The following AKAP19 variants were observed in gnomAD, a reference collection of about 807,000 sequenced individuals.
The protein encoded by AKAP19 is A-kinase anchoring protein 19, also known as small A-kinase anchoring protein.
chr2:190,000,498 G>C, the AKAP19 span, among the ~76,000 whole-genome samples: 1 of 152,154 alleles, frequency 6.6e-6, no homozygotes. Flanking sequence ...ATTTGGTGTA[G>C]GTAAAAGTCC....
At chr2:190,006,891 G>T in the AKAP19 span, among the ~76,000 whole-genome samples, 1 of 151,986 alleles carries the variant, frequency 6.6e-6, no homozygotes, top group Admixed American at 6.6e-5. Flanking sequence ...GTGGTGGCAG[G>T]TGCCTATAGT....
chr2:189,886,123 T>A, the AKAP19 span, among the ~76,000 whole-genome samples: 1 of 152,150 alleles, frequency 6.6e-6, no homozygotes, highest in Non-Finnish European at 1.5e-5. Context: ...TGTTCTAGTA[T>A]TAATTTATGT....
At chr2:189,888,495 G>T in the AKAP19 span, among the ~76,000 whole-genome samples, 1 of 151,834 alleles carries the variant, frequency 6.6e-6, no homozygotes, top group Non-Finnish European at 1.5e-5. Context: ...ATGGTAGCTT[G>T]ATGGGGATAG....
the AKAP19 span, among the ~76,000 whole-genome samples, chr2:189,893,539 T>C: frequency 6.6e-6 from 1 of 152,230 alleles, no homozygotes; most frequent in Non-Finnish European, 1.5e-5. Flanking sequence ...TTGCCCTCCA[T>C]GGGCTGCACC....
At chr2:190,198,797 T>C in the AKAP19 span, among the ~76,000 whole-genome samples, 1 of 152,152 alleles carries the variant, frequency 6.6e-6, no homozygotes, top group African/African-American at 2.4e-5. Flanking sequence ...TGAAGCTGTC[T>C]TGTATTGTTT....
At chr2:190,065,820 T>C in the AKAP19 span, among the ~76,000 whole-genome samples, 2 of 152,136 alleles carry the variant, frequency 1.3e-5, no homozygotes, top group Admixed American at 6.6e-5. Flanking sequence ...GAGAACAGTA[T>C]TGAATGGGTG....
chr2:189,912,352 C>T, the AKAP19 span, among the ~76,000 whole-genome samples: 1 of 151,952 alleles, frequency 6.6e-6, no homozygotes, highest in Non-Finnish European at 1.5e-5. Context: ...ACCAGCCTGG[C>T]CAACATGACG....
chr2:190,040,395 T>A, the AKAP19 span, among the ~76,000 whole-genome samples: 1 of 152,234 alleles, frequency 6.6e-6, no homozygotes, highest in Non-Finnish European at 1.5e-5. Flanking sequence ...TTGTTTAAGT[T>A]CCTAATACAT....
At chr2:190,022,063 A>C in the AKAP19 span, among the ~76,000 whole-genome samples, 21 of 151,938 alleles carry the variant, frequency 1.4e-4, no homozygotes, top group Non-Finnish European at 2.9e-4. Flanking sequence ...CATCAGTCCC[A>C]TTCTCATGAC....
chr2:190,187,910 C>G, the AKAP19 span, among the ~76,000 whole-genome samples: 1 of 152,300 alleles, frequency 6.6e-6, no homozygotes, highest in South Asian at 2.1e-4. Context: ...ACGGACCCAA[C>G]AGAAGGCCCA....
At chr2:190,135,685 A>G in the AKAP19 span, among the ~76,000 whole-genome samples, 1 of 152,306 alleles carries the variant, frequency 6.6e-6, no homozygotes, top group African/African-American at 2.4e-5. Flanking sequence ...CAGTTTCCTC[A>G]TTTGAAAAAT....
At chr2:189,907,494 AT>A in the AKAP19 span, among the ~76,000 whole-genome samples, 2 of 152,184 alleles carry the variant, frequency 1.3e-5, no homozygotes, top group African/African-American at 4.8e-5. Flanking sequence ...CTGTAAAAAA[AT>A]GCATCATTCT....
At chr2:189,981,884 A>G in the AKAP19 span, among the ~76,000 whole-genome samples, 40 of 152,290 alleles carry the variant, frequency 2.6e-4, no homozygotes, top group Admixed American at 2.4e-3. Context: ...TTAGTCTGAC[A>G]AGATTTCCTT....
the AKAP19 span, among the ~76,000 whole-genome samples, chr2:190,035,909 TA>T: frequency 6.6e-6 from 1 of 152,182 alleles, no homozygotes; most frequent in Non-Finnish European, 1.5e-5. Context: ...TGTATGTATT[TA>T]TTTTTCTTGG....
At chr2:190,051,769 A>G in the AKAP19 span, among the ~76,000 whole-genome samples, 1 of 152,162 alleles carries the variant, frequency 6.6e-6, no homozygotes, top group Non-Finnish European at 1.5e-5. Flanking sequence ...CAGGCAAGGC[A>G]TATCTACAAG....
chr2:190,129,946 T>TA, the AKAP19 span, among the ~76,000 whole-genome samples: 14 of 152,174 alleles, frequency 9.2e-5, no homozygotes, highest in African/African-American at 3.4e-4. Context: ...ATCTTGTGGT[T>TA]ACTTGGTTTA....
At chr2:190,068,531 A>C in the AKAP19 span, among the ~76,000 whole-genome samples, 3,604 of 152,254 alleles carry the variant, frequency 0.024, 162 homozygotes, top group African/African-American at 0.082. Context: ...GCGTTTTGCC[A>C]TGTTGGCTAG....
the AKAP19 span, among the ~76,000 whole-genome samples, chr2:189,893,563 G>A: frequency 6.6e-6 from 1 of 152,172 alleles, no homozygotes; most frequent in African/African-American, 2.4e-5. Context: ...TTTCTAACCA[G>A]TCCCAGTGAA....
At chr2:190,028,262 G>A in the AKAP19 span, among the ~76,000 whole-genome samples, 3 of 152,070 alleles carry the variant, frequency 2.0e-5, no homozygotes, top group Non-Finnish European at 4.4e-5. Flanking sequence ...TATTGTTTGA[G>A]GGGGATAAGC....
Sources: allele counts gnomAD v4.1 joint callset (sites outside exome capture counted in the v4.1 genomes callset), GRCh38; gene constraint gnomAD v4.1.1; transcripts MANE v1.5; gene names NCBI Gene and HGNC (gene_info 2026-07-23, HGNC 2026-07-21).